The following PTPN13 variants were observed in gnomAD, a reference collection of about 807,000 sequenced individuals.
PTPN13 encodes the protein tyrosine-protein phosphatase non-receptor type 13.
A neutral mutation model predicts 284.0 loss-of-function variants in PTPN13; 191 were observed. That is an observed-to-expected ratio of 0.67 (90% CI 0.60 to 0.76). The LOEUF is 0.76. PTPN13 is among the 30% of genes least tolerant of loss of function. PTPN13 has a pLI of 0.00. For missense variants in PTPN13, 2,797 were observed against 2,939.9 expected, an observed-to-expected ratio of 0.95 and a Z score of 1.12; for synonymous variants, 986 against 1,022.3, an observed-to-expected ratio of 0.96 and a Z score of 0.68.
intron 43 of PTPN13, among the ~76,000 whole-genome samples, chr4:86,804,531 C>A (rs138606613): frequency 6.6e-6 from 1 of 152,158 alleles, no homozygotes; most frequent in Admixed American, 6.5e-5. Context: ...CTCTTCTCAT[C>A]GCCATGCTAT....
intron 12 of PTPN13, 117 bp downstream of exon 12, chr4:86,732,883 AG>A (rs1209208330): frequency 5.4e-6 from 4 of 738,284 alleles, no homozygotes; most frequent in Non-Finnish European, 8.0e-6. Context: ...TGAACTAGTC[AG>A]TAGAAGTGAG....
At chr4:86,759,298 G>A (rs946651568) in intron 23 of PTPN13, among the ~76,000 whole-genome samples, 3 of 152,064 alleles carry the variant, frequency 2.0e-5, no homozygotes, top group African/African-American at 7.2e-5. Context: ...GTCCTGTCCT[G>A]AACCAGATGA....
At chr4:86,707,513 T>C (rs1385668829) in intron 7 of PTPN13, among the ~76,000 whole-genome samples, 2 of 152,164 alleles carry the variant, frequency 1.3e-5, no homozygotes, top group South Asian at 2.1e-4. Context: ...GAAGATTGAA[T>C]TTAAAAGTTT....
chr4:86,766,312 C>A, intron 26 of PTPN13, 120 bp from the exon 27 acceptor site: 1 of 691,138 alleles, frequency 1.4e-6, no homozygotes, highest in Non-Finnish European at 2.4e-6. Flanking sequence ...AACTCTGTAA[C>A]ACAATTTCTT....
intron 27 of PTPN13, among the ~76,000 whole-genome samples, chr4:86,767,377 C>G (rs1328185553): frequency 6.6e-6 from 1 of 151,808 alleles, no homozygotes; most frequent in African/African-American, 2.4e-5. Context: ...TGTCAAGTAG[C>G]TGGGATTACA....
At chr4:86,716,844 T>C (rs1733082105) in intron 8 of PTPN13, among the ~76,000 whole-genome samples, 180 bp from the exon 9 acceptor site, 1 of 152,216 alleles carries the variant, frequency 6.6e-6, no homozygotes, top group Non-Finnish European at 1.5e-5. Context: ...GAGATAATAA[T>C]TCATTGTCTT....
intron 23 of PTPN13, 45 bp from the exon 24 acceptor site, chr4:86,762,682 T>A (rs368166746): frequency 7.2e-7 from 1 of 1,393,864 alleles, no homozygotes; most frequent in African/African-American, 1.4e-5. Flanking sequence ...TGTAAGCACG[T>A]GTATCACTAA....
chr4:86,791,047 C>T (rs1282328378), intron 40 of PTPN13, among the ~76,000 whole-genome samples: 1 of 152,092 alleles, frequency 6.6e-6, no homozygotes, highest in Admixed American at 6.6e-5. Context: ...GGCGTCGCCT[C>T]ACACGGGAAG....
chr4:86,624,104 A>G (rs1721567318), intron 1 of PTPN13, among the ~76,000 whole-genome samples: 1 of 152,188 alleles, frequency 6.6e-6, no homozygotes, highest in African/African-American at 2.4e-5. Context: ...ATTTAAATAA[A>G]TGAAGGAATT....
At chr4:86,790,920 G>A (rs975496911) in intron 40 of PTPN13, among the ~76,000 whole-genome samples, 9 of 152,120 alleles carry the variant, frequency 5.9e-5, no homozygotes, top group Non-Finnish European at 8.8e-5. Flanking sequence ...CACTCCCAAC[G>A]AAATCGACGC....
intron 40 of PTPN13, among the ~76,000 whole-genome samples, chr4:86,790,919 C>T (rs766667184): frequency 2.6e-5 from 4 of 152,134 alleles, no homozygotes; most frequent in African/African-American, 7.2e-5. Context: ...CCACTCCCAA[C>T]GAAATCGACG....
Position 86,716,775 on chromosome 4 carries a change from A to G in PTPN13, c.1291+150A>G, listed in dbSNP as rs1733070575. ...AAAAAGCTGCTGGTTACTCAGTAGT[A>G]GTATTATAGAAACTAAATAGCAGTT... On this transcript the variant is annotated intron_variant, in intron 8 of 47. Coordinates refer to ENST00000411767, the MANE Select transcript of PTPN13 (RefSeq NM_080683.3). 3 of 678,786 alleles carry G rather than the reference A, an allele frequency of 4.4e-6. No individual in the cohort carries two copies. The South Asian group carries it at 6.2e-5, about 14-fold the overall frequency. The allele number at this position is 678,786 out of a possible 1,614,324, so 42.0% of individuals were successfully genotyped here.
At chr4:86,598,230 C>G (rs991190564) in intron 1 of PTPN13, among the ~76,000 whole-genome samples, 2 of 151,888 alleles carry the variant, frequency 1.3e-5, no homozygotes, top group Non-Finnish European at 2.9e-5. Flanking sequence ...CCTCTGCCCC[C>G]GATCCTGGGT....
intron 37 of PTPN13, among the ~76,000 whole-genome samples, chr4:86,784,023 A>C (rs1741626663): frequency 6.6e-6 from 1 of 152,016 alleles, no homozygotes; most frequent in South Asian, 2.1e-4. Context: ...GTACTTGAAA[A>C]GTTGGTATTT....
intron 35 of PTPN13, among the ~76,000 whole-genome samples, chr4:86,776,365 G>T (rs1740644539): frequency 6.6e-6 from 1 of 152,122 alleles, no homozygotes; most frequent in African/African-American, 2.4e-5. Context: ...CCTCCTCCCT[G>T]TTATCAGTTT....
At chr4:86,621,387 G>T (rs1373529068) in intron 1 of PTPN13, among the ~76,000 whole-genome samples, 1 of 152,258 alleles carries the variant, frequency 6.6e-6, no homozygotes, top group East Asian at 1.9e-4. Context: ...TTCAAAGATA[G>T]CCGACTTTCT....
At chr4:86,627,245 G>A (rs1308956385) in intron 1 of PTPN13, among the ~76,000 whole-genome samples, 6 of 151,952 alleles carry the variant, frequency 3.9e-5, no homozygotes, top group Admixed American at 3.3e-4. Context: ...GTTCAATAAC[G>A]ATGTGAATAT....
At position 86,815,009 on chromosome 4, in the gene PTPN13, A is replaced by G. The variant is rs1745629538; in HGVS notation, c.*458A>G. 6.5e-6 allele frequency: 1 copy of G among 153,382 alleles called. No individual in the cohort carries two copies. The highest frequency in any genetic ancestry group is 2.1e-4 in the South Asian group (1 of 4,870). The allele number at this position is 153,382 out of a possible 1,614,324, so 9.5% of individuals were successfully genotyped here. On this transcript the variant is annotated 3_prime_UTR_variant, in exon 48 of 48. Coordinates refer to ENST00000411767, the MANE Select transcript of PTPN13 (RefSeq NM_080683.3). ...GCAAATGTTTACTGTATCAATTTCT[A>G]ATGTTTACTATATAGAATTTCCTGT...
At chr4:86,706,890 C>G (rs1731830458) in intron 7 of PTPN13, among the ~76,000 whole-genome samples, 1 of 151,956 alleles carries the variant, frequency 6.6e-6, no homozygotes, top group South Asian at 2.1e-4. Flanking sequence ...TTTAATTCTA[C>G]TTTTTTTTCA....
Sources: allele counts gnomAD v4.1 joint callset (sites outside exome capture counted in the v4.1 genomes callset), GRCh38; gene constraint gnomAD v4.1.1; transcripts MANE v1.5; gene names NCBI Gene and HGNC (gene_info 2026-07-23, HGNC 2026-07-21).